The following MARCHF1 variants were observed in gnomAD, a reference collection of about 807,000 sequenced individuals.
MARCHF1 encodes the protein E3 ubiquitin-protein ligase MARCHF1.
In MARCHF1, 40 loss-of-function variants were observed where a neutral mutation model predicts 54.2. That is an observed-to-expected ratio of 0.74 (90% CI 0.57 to 0.96). The LOEUF (loss-of-function observed/expected upper bound fraction) is 0.96. MARCHF1 is among the 40% of genes least tolerant of loss of function. MARCHF1 has a pLI of 0.00. For missense variants in MARCHF1, 586 were observed against 656.5 expected (o/e 0.89, Z 1.17); for synonymous variants, 236 against 236.3 (o/e 1.00, Z 0.01).
intron 5 of MARCHF1, among the ~76,000 whole-genome samples, chr4:163,652,825 G>T (rs1176371029): frequency 1.3e-5 from 2 of 151,758 alleles, no homozygotes; most frequent in Non-Finnish European, 2.9e-5. Context: ...TGTACCAGTT[G>T]CCTGCCTGAA....
chr4:163,895,364 C>T (rs1750783093), intron 3 of MARCHF1, among the ~76,000 whole-genome samples: 1 of 152,170 alleles, frequency 6.6e-6, no homozygotes, highest in South Asian at 2.1e-4. Context: ...AGCTGCTTTC[C>T]TGAGATAGCT....
At chr4:163,950,544 G>A (rs1384863633) in intron 3 of MARCHF1, among the ~76,000 whole-genome samples, 5 of 152,170 alleles carry the variant, frequency 3.3e-5, no homozygotes, top group East Asian at 1.9e-4. Context: ...GCTAGACAGC[G>A]GTGCTCAGGA....
At chr4:163,627,417 T>A (rs1236339565) in intron 5 of MARCHF1, among the ~76,000 whole-genome samples, 1 of 152,212 alleles carries the variant, frequency 6.6e-6, no homozygotes, top group Admixed American at 6.5e-5. Flanking sequence ...TTAATTCTCA[T>A]ATATACCCTA....
intron 9 of MARCHF1, among the ~76,000 whole-genome samples, chr4:163,531,578 A>C (rs562063980): frequency 6.6e-6 from 1 of 151,904 alleles, no homozygotes. Flanking sequence ...TCCGCATCAC[A>C]CTGGAAGTCT....
chr4:164,110,528 A>G (rs1000965156), intron 2 of MARCHF1, among the ~76,000 whole-genome samples: 1 of 151,812 alleles, frequency 6.6e-6, no homozygotes, highest in Admixed American at 6.6e-5. Flanking sequence ...TCAGCACTTA[A>G]GTTGTTCAAA....
In MARCHF1 at chr4:163,895,094, G is replaced by T; in HGVS notation, c.-38-40925C>A. Among the ~76,000 whole-genome samples, 2 of 152,276 alleles carry T rather than the reference G, an allele frequency of 1.3e-5. 1 individual carries two copies. The highest frequency in any genetic ancestry group is 6.8e-3 in the Middle Eastern group (2 of 292). On this transcript the variant is annotated intron_variant, in intron 3 of 9. Transcript: ENST00000514618. ...GCATGTGATGCATATATATGTGCATGTGATGCATATATATACGCATGAGTC... is the reference window on the plus strand; with the variant it reads ...GCATGTGATGCATATATATGTGCATTTGATGCATATATATACGCATGAGTC...
chr4:163,593,192 G>T (rs939677574), intron 7 of MARCHF1, among the ~76,000 whole-genome samples: 10 of 152,062 alleles, frequency 6.6e-5, no homozygotes, highest in Admixed American at 5.2e-4. Context: ...ACGAATATCC[G>T]AAGGTTATGA....
At chr4:163,912,419 C>A (rs1336129778) in intron 3 of MARCHF1, among the ~76,000 whole-genome samples, 3 of 152,208 alleles carry the variant, frequency 2.0e-5, no homozygotes, top group Admixed American at 2.0e-4. Flanking sequence ...CAGATTTATT[C>A]AGAGCACTAT....
intron 1 of MARCHF1, among the ~76,000 whole-genome samples, chr4:164,114,314 A>G (rs560901721): frequency 2.6e-5 from 4 of 151,998 alleles, no homozygotes; most frequent in African/African-American, 9.6e-5. Flanking sequence ...ATATATTTTT[A>G]TTGCCATTCA....
At chr4:163,787,052 T>C (rs1747642206) in intron 4 of MARCHF1, among the ~76,000 whole-genome samples, 1 of 151,906 alleles carries the variant, frequency 6.6e-6, no homozygotes, top group Non-Finnish European at 1.5e-5. Flanking sequence ...GTTGGACACT[T>C]ACCTTATACT....
chr4:163,682,286 C>CT (rs1291198043), intron 5 of MARCHF1, among the ~76,000 whole-genome samples: 2 of 152,092 alleles, frequency 1.3e-5, no homozygotes, highest in African/African-American at 4.8e-5. Flanking sequence ...AATTTGCAGC[C>CT]TGACAATGTG....
At chr4:163,745,458 C>T (rs1466583417) in intron 4 of MARCHF1, among the ~76,000 whole-genome samples, 1 of 152,052 alleles carries the variant, frequency 6.6e-6, no homozygotes, top group Non-Finnish European at 1.5e-5. Context: ...ACATACTCGA[C>T]CCCGCTGATA....
rs543252475 is a variant in MARCHF1 at position 164,310,234 on chromosome 4, C to T, written c.-323+73636G>A. ...CTGGGATCACAGGTGCGCACCACCA[C>T]GCCCAGCTAATTTTTGTATTTTTAG... On this transcript the variant is annotated intron_variant, in intron 1 of 9. Coordinates refer to ENST00000514618, the MANE Select transcript of MARCHF1 (RefSeq NM_001394959.1). 7.9e-5 allele frequency among the ~76,000 whole-genome samples: 12 copies of T among 152,048 alleles called. No homozygotes were observed. The South Asian group carries it at 1.5e-3, about 18-fold the overall frequency.
In MARCHF1 at chr4:163,548,011, CTA is replaced by C. The variant is rs200717699; in HGVS notation, c.1192-2270_1192-2269del. 8.3e-3 allele frequency among the ~76,000 whole-genome samples: 1,266 copies of C among 152,228 alleles called. 14 individuals are homozygous for C. Among genetic ancestry groups the C allele is most frequent in the African/African-American group, 0.029 (1,193 of 41,520 alleles). ...ATAAACAGATGTTTCAATTTAGACT[CTA>C]TTTTGAATTAATCAGTCTTGAACTG... On this transcript the variant is annotated intron_variant, in intron 8 of 9. Coordinates refer to ENST00000514618, the MANE Select transcript of MARCHF1 (RefSeq NM_001394959.1).
intron 3 of MARCHF1, among the ~76,000 whole-genome samples, chr4:163,898,025 C>CACT (rs1750850987): frequency 7.8e-6 from 1 of 127,610 alleles, no homozygotes; most frequent in Admixed American, 1.0e-4. Context: ...CGCGCCACTG[C>CACT]ACTCCAGCCT....
At chr4:164,154,418 A>G (rs1442178084) in intron 1 of MARCHF1, among the ~76,000 whole-genome samples, 1 of 152,234 alleles carries the variant, frequency 6.6e-6, no homozygotes, top group African/African-American at 2.4e-5. Context: ...GTAATTAGTG[A>G]CATCATGTGA....
chr4:163,720,743 C>A (rs932851932), intron 4 of MARCHF1, among the ~76,000 whole-genome samples: 5 of 152,214 alleles, frequency 3.3e-5, no homozygotes, highest in Non-Finnish European at 5.9e-5. Context: ...AGGTCCTTCA[C>A]ATCCCTTGTA....
chr4:163,721,625 T>C (rs1441726751), intron 4 of MARCHF1, among the ~76,000 whole-genome samples: 1 of 152,200 alleles, frequency 6.6e-6, no homozygotes, highest in Non-Finnish European at 1.5e-5. Context: ...TCCTTGTACC[T>C]ATGGTAGAAT....
At chr4:164,079,553 A>AT (rs1482528782) in intron 2 of MARCHF1, among the ~76,000 whole-genome samples, 1 of 152,180 alleles carries the variant, frequency 6.6e-6, no homozygotes, top group Non-Finnish European at 1.5e-5. Context: ...TACCTAAAAA[A>AT]TATACTAGAA....
Sources: allele counts gnomAD v4.1 joint callset (sites outside exome capture counted in the v4.1 genomes callset), GRCh38; gene constraint gnomAD v4.1.1; transcripts MANE v1.5; gene names NCBI Gene and HGNC (gene_info 2026-07-23, HGNC 2026-07-21).